Variants in STK38 observed in about 807,000 individuals in gnomAD.
STK38 encodes the protein serine/threonine-protein kinase 38.
Under a neutral mutation model 59.0 loss-of-function variants are expected in STK38, and 26 were observed. The ratio of observed to expected loss-of-function variants is 0.44; its 90% CI spans 0.32 to 0.61. The LOEUF is 0.61. Among genes scored for constraint, STK38 ranks in the 20% least tolerant of loss-of-function variants. The pLI, the probability that STK38 is intolerant of heterozygous loss-of-function variation, is 0.04. For missense variants in STK38, 433 were observed against 566.0 expected, an observed-to-expected ratio of 0.76 and a Z score of 2.38; for synonymous variants, 175 against 176.6, an observed-to-expected ratio of 0.99 and a Z score of 0.07.
At chr6:36,501,837 T>C (rs1776848931) in intron 9 of STK38, among the ~76,000 whole-genome samples, 1 of 152,262 alleles carries the variant, frequency 6.6e-6, no homozygotes, top group Admixed American at 6.5e-5. Context: ...TTATCCGTTC[T>C]TCTGTAATGG....
intron 2 of STK38, among the ~76,000 whole-genome samples, chr6:36,538,959 T>G: frequency 6.7e-6 from 1 of 149,530 alleles, no homozygotes; most frequent in Middle Eastern, 3.5e-3. Flanking sequence ...GATAGATGGA[T>G]ATGCAGTTAA....
At chr6:36,521,968 G>C in intron 4 of STK38, 151 bp from the exon 5 acceptor site, 1 of 595,274 alleles carries the variant, frequency 1.7e-6, no homozygotes, top group Non-Finnish European at 2.8e-6. Context: ...ATGCTTTTCA[G>C]TGTTCCAAAA....
At chr6:36,509,527 C>T (rs545553221) in intron 7 of STK38, among the ~76,000 whole-genome samples, 1 of 145,940 alleles carries the variant, frequency 6.9e-6, no homozygotes, top group African/African-American at 2.5e-5. Context: ...TGTAAAGAAA[C>T]TGATGTAGAT....
In STK38 at chr6:36,494,494, G is replaced by A. The variant is rs1297046746; in HGVS notation, c.*1290C>T. On this transcript the variant is annotated 3_prime_UTR_variant, in exon 14 of 14. Transcript: ENST00000229812. ...ATTTTTCTGACGAAATTCCTCTAAA[G>A]GTGGTGGCAGCTGTGAAACAGAAGG... is the stretch of plus-strand genomic sequence containing the variant. 1 of 152,630 alleles carries A rather than the reference G, an allele frequency of 6.6e-6. No homozygotes were observed. Among genetic ancestry groups the A allele is most frequent in the African/African-American group, 2.4e-5 (1 of 41,446 alleles). The allele number at this position is 152,630 out of a possible 1,614,324, so 9.5% of individuals were successfully genotyped here.
chr6:36,530,111 C>T (rs1433069785), intron 2 of STK38, among the ~76,000 whole-genome samples: 4 of 151,826 alleles, frequency 2.6e-5, no homozygotes, highest in African/African-American at 7.3e-5. Context: ...CGTGGTGGCA[C>T]GTGCCTGTAA....
rs142138371 is a variant in STK38, at chr6:36,516,510, T to C, written c.515-1018A>G. Among the ~76,000 whole-genome samples the C allele has an allele frequency of 4.0e-3, 609 of 152,326 alleles. 9 individuals carry two copies. The highest frequency in any genetic ancestry group is 0.014 in the African/African-American group (577 of 41,560). ...ATTTAGAACATTATGTTTTGTATTATTGGAGAAAAGTAGCTATTTTTCCCT... is the reference window on the plus strand; with the variant it reads ...ATTTAGAACATTATGTTTTGTATTACTGGAGAAAAGTAGCTATTTTTCCCT... On this transcript the variant is annotated intron_variant, in intron 6 of 13. Coordinates refer to ENST00000229812, the MANE Select transcript of STK38 (RefSeq NM_007271.4).
At chr6:36,515,261 A>C in intron 7 of STK38, 77 bp downstream of exon 7, 2 of 1,532,212 alleles carry the variant, frequency 1.3e-6, no homozygotes, top group Non-Finnish European at 1.8e-6. Context: ...TGGGATGACC[A>C]CAGGGGTGCA....
intron 6 of STK38, among the ~76,000 whole-genome samples, chr6:36,516,865 A>G (rs1005758810): frequency 2.0e-5 from 3 of 152,236 alleles, no homozygotes; most frequent in Non-Finnish European, 4.4e-5. Context: ...GTACAGGTTG[A>G]GGCTTGAGGA....
chr6:36,540,242 G>C, intron 1 of STK38, 35 bp from the exon 2 acceptor site: 1 of 1,611,032 alleles, frequency 6.2e-7, no homozygotes, highest in Non-Finnish European at 8.5e-7. Context: ...GTTAGATTTG[G>C]AGTTAGAATC....
intron 2 of STK38, among the ~76,000 whole-genome samples, chr6:36,537,779 G>T (rs763327697): frequency 1.3e-5 from 2 of 151,976 alleles, no homozygotes; most frequent in Non-Finnish European, 2.9e-5. Flanking sequence ...TGCACCTGTA[G>T]TCCCAGCTAC....
At chr6:36,546,444 G>A (rs545621679) in intron 1 of STK38, among the ~76,000 whole-genome samples, 1 of 152,220 alleles carries the variant, frequency 6.6e-6, no homozygotes, top group South Asian at 2.1e-4. Context: ...TCAGAGGCAG[G>A]GTGAGCTCAA....
At chr6:36,539,112 G>GCA (rs10685646) in intron 2 of STK38, among the ~76,000 whole-genome samples, 41,140 of 151,588 alleles carry the variant, frequency 0.27, 6,344 homozygotes, top group African/African-American at 0.42. Context: ...TTACAGCCAA[G>GCA]CAGTGGCTCA....
rs746316301 is a variant in STK38, at chr6:36,496,725, A to C, written c.1253T>G (p.Ile418Ser). ...SNFDEFPESD[I>S]LKPTVATSNH... Reference sequence around the variant, plus strand: ...GGTGGTGTTACCTGTTGGCTTAAGAATATCAGATTCTGGAAACTCATCGAA... The same window carrying C: ...GGTGGTGTTACCTGTTGGCTTAAGACTATCAGATTCTGGAAACTCATCGAA... Residue 418 changes from isoleucine to serine, a missense_variant, in exon 13 of 14, where the codon ATT (isoleucine) becomes AGT (serine). Physicochemically the swap from Ile to Ser is moderately radical, Grantham distance 142. Transcript: ENST00000229812. 3 of 1,613,096 alleles carry C rather than the reference A, an allele frequency of 1.9e-6. No homozygotes were observed. The highest frequency in any genetic ancestry group is 2.5e-6 in the Non-Finnish European group (3 of 1,179,436).
At chr6:36,523,560 C>T (rs1298741062) in intron 4 of STK38, among the ~76,000 whole-genome samples, 1 of 151,914 alleles carries the variant, frequency 6.6e-6, no homozygotes, top group Non-Finnish European at 1.5e-5. Context: ...GTGCCTGGCC[C>T]CGGGGTACCA....
At chr6:36,507,630 G>A (rs373934185) in intron 7 of STK38, 28 bp from the exon 8 acceptor site, 2 of 1,536,800 alleles carry the variant, frequency 1.3e-6, no homozygotes, top group East Asian at 4.5e-5. Flanking sequence ...GGTGATAGAT[G>A]GATGAGTATT....
chr6:36,528,619 C>T (rs149524703), intron 2 of STK38, among the ~76,000 whole-genome samples: 82 of 152,274 alleles, frequency 5.4e-4, no homozygotes, highest in African/African-American at 1.8e-3. Flanking sequence ...AAAGGCTGTA[C>T]TCTTAGTAGT....
chr6:36,517,566 A>C, intron 6 of STK38, 151 bp downstream of exon 6: 1 of 896,778 alleles, frequency 1.1e-6, no homozygotes, highest in Non-Finnish European at 1.6e-6. Context: ...AGCACAAGAC[A>C]GGTTACTGAC....
intron 12 of STK38, 91 bp downstream of exon 12, chr6:36,497,689 A>T: frequency 2.0e-6 from 2 of 1,002,150 alleles, no homozygotes; most frequent in Non-Finnish European, 3.0e-6. Flanking sequence ...CTCTTCCCTT[A>T]CTTGGCTTGC....
intron 2 of STK38, among the ~76,000 whole-genome samples, chr6:36,536,670 A>G (rs1777799900): frequency 6.6e-6 from 1 of 151,808 alleles, no homozygotes; most frequent in South Asian, 2.1e-4. Context: ...AGTAGCTGAG[A>G]TTATAGGCAT....
Sources: allele counts gnomAD v4.1 joint callset (sites outside exome capture counted in the v4.1 genomes callset), GRCh38; gene constraint gnomAD v4.1.1; transcripts MANE v1.5; gene names NCBI Gene and HGNC (gene_info 2026-07-23, HGNC 2026-07-21).